DGKI: variants seen among roughly 807,000 people sequenced by gnomAD.
The protein encoded by DGKI is diacylglycerol kinase iota, also known as DAG kinase iota.
A neutral mutation model predicts 147.5 loss-of-function variants in DGKI; 55 were observed. The observed-to-expected ratio is 0.37, with a 90% CI of 0.30 to 0.47. DGKI has a LOEUF of 0.47. Among genes scored for constraint, DGKI ranks in the 20% least tolerant of loss-of-function variants. The pLI is 1.00. For missense variants in DGKI, 1,007 were observed against 1,323.8 expected, an observed-to-expected ratio of 0.76 and a Z score of 3.71; for synonymous variants, 469 against 477.1, an observed-to-expected ratio of 0.98 and a Z score of 0.22.
intron 19 of DGKI, among the ~76,000 whole-genome samples, chr7:137,561,618 T>C (rs1423067452): frequency 1.3e-5 from 2 of 152,336 alleles, no homozygotes; most frequent in Admixed American, 6.5e-5. Context: ...ATCGATATGC[T>C]AATTATCCTG....
At chr7:137,826,293 T>C (rs879488690) in intron 1 of DGKI, among the ~76,000 whole-genome samples, 5 of 152,218 alleles carry the variant, frequency 3.3e-5, no homozygotes, top group Non-Finnish European at 7.3e-5. Context: ...TTGCAATGCA[T>C]GTACATAATG....
chr7:137,465,921 C>A lies in DGKI; in HGVS notation c.2599G>T (p.Glu867Ter). Reference sequence around the variant, plus strand: ...AAGCACACTCACCCCGAGGCTTGTTCCACCACCAGGTCAGGCATGCCCGGA... The same window carrying A: ...AAGCACACTCACCCCGAGGCTTGTTACACCACCAGGTCAGGCATGCCCGGA... ...TPPGMPDLVV[E>*]QASGISDWWN... is the part of the protein sequence containing the mutation. Residue 867 changes from glutamate (E) to a stop codon, truncating the protein, a stop_gained, in exon 26 of 33, where the codon GAA becomes TAA. Coordinates refer to ENST00000614521, the MANE Select transcript of DGKI (RefSeq NM_001321708.2). LOFTEE classifies it high-confidence loss of function. 6.2e-7 allele frequency: 1 copy of A among 1,613,932 alleles called. No individual in the cohort carries two copies. Among genetic ancestry groups the A allele is most frequent in the Non-Finnish European group, 8.5e-7 (1 of 1,179,910 alleles).
At chr7:137,740,688 T>C (rs985385314) in intron 1 of DGKI, among the ~76,000 whole-genome samples, 3 of 152,186 alleles carry the variant, frequency 2.0e-5, no homozygotes, top group African/African-American at 7.2e-5. Context: ...TATGTTCAAA[T>C]GTCATGTGAA....
chr7:137,758,948 ATTC>A (rs1410486665), intron 1 of DGKI, among the ~76,000 whole-genome samples: 5 of 152,142 alleles, frequency 3.3e-5, no homozygotes, highest in Admixed American at 1.3e-4. Context: ...AAGTATGTAT[ATTC>A]TTCTTAAATT....
chr7:137,655,125 C>T (rs1822171796), intron 4 of DGKI, among the ~76,000 whole-genome samples: 1 of 151,772 alleles, frequency 6.6e-6, no homozygotes, highest in Non-Finnish European at 1.5e-5. Flanking sequence ...AGCTGGGTTT[C>T]TGATTGTAAA....
At chr7:137,395,972 G>C (rs1205738855) in intron 31 of DGKI, 1 of 410,190 alleles carries the variant, frequency 2.4e-6, no homozygotes, top group Non-Finnish European at 4.5e-6. Flanking sequence ...ATTTGATTTA[G>C]GTGATAGTCA....
chr7:137,718,765 G>C (rs186116481), intron 1 of DGKI, among the ~76,000 whole-genome samples: 1 of 152,186 alleles, frequency 6.6e-6, no homozygotes, highest in African/African-American at 2.4e-5. Context: ...GGAGAAGACG[G>C]CCTCCTCTCC....
At chr7:137,633,839 T>C (rs764481328) in intron 6 of DGKI, among the ~76,000 whole-genome samples, 1 of 152,254 alleles carries the variant, frequency 6.6e-6, no homozygotes, top group African/African-American at 2.4e-5. Flanking sequence ...GTACCAGGGC[T>C]TTCAACTCTT....
At chr7:137,678,681 A>T (rs199919824) in intron 2 of DGKI, 29 bp from the exon 3 acceptor site, 16 of 1,500,940 alleles carry the variant, frequency 1.1e-5, no homozygotes, top group Non-Finnish European at 1.3e-5. Context: ...CCTGACATCA[A>T]TTTTTTTTTT....
chr7:137,795,658 G>A (rs1166227121), intron 1 of DGKI, among the ~76,000 whole-genome samples: 2 of 152,214 alleles, frequency 1.3e-5, no homozygotes, highest in Non-Finnish European at 2.9e-5. Context: ...GGAAAGCCAT[G>A]CATATGCGCA....
At chr7:137,455,386 A>G (rs1286458194) in intron 27 of DGKI, among the ~76,000 whole-genome samples, 1 of 152,158 alleles carries the variant, frequency 6.6e-6, no homozygotes, top group Non-Finnish European at 1.5e-5. Context: ...AAGAAATTAA[A>G]ATGGGCTCGA....
intron 27 of DGKI, among the ~76,000 whole-genome samples, chr7:137,461,099 G>C (rs116429355): frequency 6.6e-6 from 1 of 152,120 alleles, no homozygotes; most frequent in African/African-American, 2.4e-5. Context: ...ACTTTTCACT[G>C]TACAAATGTA....
chr7:137,733,392 C>G (rs1286425528), intron 1 of DGKI, among the ~76,000 whole-genome samples: 2 of 152,072 alleles, frequency 1.3e-5, no homozygotes, highest in African/African-American at 4.8e-5. Context: ...GTCCTCAAGG[C>G]TCACTCATGT....
chr7:137,575,283 T>C (rs1818932970), intron 17 of DGKI, among the ~76,000 whole-genome samples: 1 of 152,206 alleles, frequency 6.6e-6, no homozygotes, highest in Non-Finnish European at 1.5e-5. Flanking sequence ...ATTACATATA[T>C]AGGCTGATAT....
chr7:137,421,315 A>G (rs1812561578), intron 28 of DGKI, among the ~76,000 whole-genome samples: 1 of 152,228 alleles, frequency 6.6e-6, no homozygotes, highest in Non-Finnish European at 1.5e-5. Flanking sequence ...TTGTGTAACC[A>G]TAGATGGGAG....
At chr7:137,623,244 C>T (rs901031400) in intron 7 of DGKI, among the ~76,000 whole-genome samples, 1 of 152,134 alleles carries the variant, frequency 6.6e-6, no homozygotes, top group African/African-American at 2.4e-5. Flanking sequence ...TAGTCTTTGA[C>T]CCCAAGCTTT....
chr7:137,528,094 C>T (rs910843727), intron 20 of DGKI, among the ~76,000 whole-genome samples: 9 of 152,156 alleles, frequency 5.9e-5, no homozygotes, highest in African/African-American at 2.2e-4. Context: ...TCCTCTGCAA[C>T]TGTACATGGT....
rs1338562704 is a variant in DGKI at position 137,846,112 on chromosome 7, G to A, written c.401+350C>T. Among the ~76,000 whole-genome samples the A allele has an allele frequency of 8.6e-6, 1 of 116,200 alleles. No homozygotes were observed. The highest frequency in any genetic ancestry group is 1.8e-5 in the Non-Finnish European group (1 of 54,688). 76.2% of individuals were successfully genotyped at this position (116,200 alleles called of 152,430 possible). On this transcript the variant is annotated intron_variant, in intron 1 of 32. Coordinates refer to ENST00000614521, the MANE Select transcript of DGKI (RefSeq NM_001321708.2). This position sits in a 1 kb window ranked among gnomAD's most constrained non-coding sequence, Gnocchi z 4.0. ...AAGAAAACTAAGCATCACTGAGTCT[G>A]CAACCCTTTCTCTCTCTCTCTTTCT...
intron 28 of DGKI, among the ~76,000 whole-genome samples, chr7:137,421,533 C>A (rs1812570902): frequency 6.6e-6 from 1 of 152,180 alleles, no homozygotes; most frequent in Non-Finnish European, 1.5e-5. Context: ...AAACCTCTAC[C>A]TTGCTGCCAG....
Sources: gnomAD v4.1 joint callset for allele counts (sites outside exome capture counted in the v4.1 genomes callset) on GRCh38, gnomAD v4.1.1 for gene constraint, Gnocchi (gnomAD v3.1) non-coding constraint, MANE v1.5 for transcripts, NCBI Gene and HGNC (gene_info 2026-07-23, HGNC 2026-07-21) for gene names.